Variants in ACSF3 observed in about 807,000 individuals in gnomAD.
ACSF3 encodes malonate--CoA ligase ACSF3, mitochondrial.
In ACSF3, 78 loss-of-function variants were observed where a neutral mutation model predicts 53.2. The ratio of observed to expected loss-of-function variants is 1.47; its 90% CI spans 1.22 to 1.77. The LOEUF (loss-of-function observed/expected upper bound fraction) is 1.77. Ranked by LOEUF, ACSF3 falls within the 40% of genes most tolerant of loss-of-function variation. ACSF3 has a pLI of 0.00. For synonymous variants in ACSF3, 414 were observed against 333.1 expected, an observed-to-expected ratio of 1.24 and a Z score of -2.65; for missense variants, 937 against 771.1, an observed-to-expected ratio of 1.22 and a Z score of -2.55.
chr16:89,119,187 TC>T, intron 6 of ACSF3, among the ~76,000 whole-genome samples: 1 of 152,230 alleles, frequency 6.6e-6, no homozygotes, highest in Admixed American at 6.5e-5. Context: ...CCAGACACCA[TC>T]CCAGAGCCTC....
At chr16:89,116,597 G>T (rs1905155237) in intron 6 of ACSF3, among the ~76,000 whole-genome samples, 1 of 152,236 alleles carries the variant, frequency 6.6e-6, no homozygotes, top group African/African-American at 2.4e-5. Flanking sequence ...GAGATCCTCA[G>T]CTGCCGTGCA....
At chr16:89,143,957 C>T (rs931536665) in intron 8 of ACSF3, among the ~76,000 whole-genome samples, 1 of 152,188 alleles carries the variant, frequency 6.6e-6, no homozygotes, top group African/African-American at 2.4e-5. Context: ...GCTAATAACC[C>T]ATGTGGAGTG....
chr16:89,117,299 A>G (rs1422591376), intron 6 of ACSF3, among the ~76,000 whole-genome samples: 1 of 152,220 alleles, frequency 6.6e-6, no homozygotes, highest in African/African-American at 2.4e-5. Flanking sequence ...ACTCACATAC[A>G]AGAACCCATG....
At chr16:89,117,453 A>T (rs568961213) in intron 6 of ACSF3, among the ~76,000 whole-genome samples, 1 of 152,160 alleles carries the variant, frequency 6.6e-6, no homozygotes, top group African/African-American at 2.4e-5. Flanking sequence ...AGCTGAAATC[A>T]GGAGCAGCCC....
At chr16:89,131,839 A>G (rs1909385890) in intron 7 of ACSF3, among the ~76,000 whole-genome samples, 1 of 152,284 alleles carries the variant, frequency 6.6e-6, no homozygotes, top group African/African-American at 2.4e-5. Flanking sequence ...CTTTGAAAAA[A>G]CAAACACAAG....
chr16:89,124,743 T>A (rs1907621946), intron 7 of ACSF3, among the ~76,000 whole-genome samples: 1 of 151,900 alleles, frequency 6.6e-6, no homozygotes, highest in Admixed American at 6.6e-5. Context: ...GTGTGTTACC[T>A]GTGTGCAACA....
At chr16:89,118,368 A>T (rs541870275) in intron 6 of ACSF3, among the ~76,000 whole-genome samples, 3 of 149,562 alleles carry the variant, frequency 2.0e-5, no homozygotes, top group African/African-American at 7.4e-5. Context: ...ATTAAATCCA[A>T]TATGCCCCAC....
At position 89,123,093 on chromosome 16, in the gene ACSF3, C is replaced by G. The variant is rs143619192; in HGVS notation, c.1239+2180C>G. 6.4e-3 allele frequency among the ~76,000 whole-genome samples: 975 copies of G among 152,276 alleles called. 12 individuals carry two copies. The highest frequency in any genetic ancestry group is 9.3e-3 in the Non-Finnish European group (631 of 68,000). ...GGTTTGCATCTGCTGACAGCAGGCC[C>G]GGGAACATTTCCAGTTCAGCCAAGG... On this transcript the variant is annotated intron_variant, in intron 7 of 10. Coordinates refer to ENST00000614302, the MANE Select transcript of ACSF3 (RefSeq NM_001243279.3).
intron 4 of ACSF3, among the ~76,000 whole-genome samples, chr16:89,109,823 G>A (rs1261040277): frequency 6.6e-6 from 1 of 152,214 alleles, no homozygotes; most frequent in Non-Finnish European, 1.5e-5. Context: ...CTGAGCTCAA[G>A]GGATCCTCCC....
chr16:89,100,787 C>A lies in ACSF3; in HGVS notation c.106C>A (p.Pro36Thr), dbSNP rs1432709471. The part of the protein sequence containing the change: ...HRGSGLLHTA[P>T]VARSDRSAPV... ...AGGAAGTGGTCTTCTGCACACAGCC[C>A]CAGTGGCCCGCTCGGACAGGAGCGC... Residue 36 changes from proline (P) to threonine (T), a missense_variant, in exon 3 of 11, where the codon CCA becomes ACA. By Grantham distance (38) the Pro-to-Thr change is conservative (BLOSUM62 -1). Coordinates refer to ENST00000614302, the MANE Select transcript of ACSF3 (RefSeq NM_001243279.3). 1.8e-5 allele frequency: 29 copies of A among 1,611,570 alleles called. No homozygotes were observed. Among genetic ancestry groups the A allele is most frequent in the Non-Finnish European group, 2.5e-5 (29 of 1,179,994 alleles).
chr16:89,150,269 G>A (rs1913846054), intron 10 of ACSF3: 1 of 152,364 alleles, frequency 6.6e-6, no homozygotes, highest in African/African-American at 2.4e-5. Context: ...AGAAACGCTT[G>A]CTTGATCAGG....
chr16:89,098,641 G>C lies in ACSF3; in HGVS notation c.-143G>C, dbSNP rs1020117919. 1.1e-5 allele frequency: 5 copies of C among 454,020 alleles called. No individual in the cohort carries two copies. Among genetic ancestry groups the C allele is most frequent in the African/African-American group, 1.0e-4 (5 of 50,016 alleles). 28.1% of individuals were successfully genotyped at this position (454,020 alleles called of 1,614,324 possible). On this transcript the variant is annotated 5_prime_UTR_variant, in exon 2 of 11. Transcript: ENST00000614302. ...AGCGCCAGGCCTGGTGCCTGCCCCA[G>C]GAGGATGAGCATTTGCATTGCCTGC...
chr16:89,099,653 G>A (rs920033376), intron 2 of ACSF3, among the ~76,000 whole-genome samples: 5 of 151,988 alleles, frequency 3.3e-5, no homozygotes, highest in Non-Finnish European at 5.9e-5. Flanking sequence ...ATGGTGGTGC[G>A]CACCTATAAT....
At position 89,120,898 on chromosome 16, in the gene ACSF3, C is replaced by T. The variant is rs1047268029; in HGVS notation, c.1224C>T (p.Asp408=). The change falls in exon 7 of 11, where the codon GAC becomes GAT. Residue 408 remains aspartate, a synonymous_variant. Coordinates refer to ENST00000614302, the MANE Select transcript of ACSF3 (RefSeq NM_001243279.3). The part of the protein sequence containing the change: ...ACSYTIHAEG[D]ERGTKVTPGF... ...CCTACACCATCCACGCAGAGGGAGA[C>T]GAGAGGGGGACCAAGGTAAGCCACT... 15 of 1,613,904 alleles carry T rather than the reference C, an allele frequency of 9.3e-6. No individual in the cohort carries two copies. The highest frequency in any genetic ancestry group is 1.2e-5 in the Non-Finnish European group (14 of 1,179,950).
chr16:89,106,324 G>T (rs760514105), intron 4 of ACSF3, among the ~76,000 whole-genome samples: 1 of 148,708 alleles, frequency 6.7e-6, no homozygotes. Context: ...ATGGAGTCTC[G>T]CACTGTTAGC....
At chr16:89,102,804 C>CTGGAGAGCTG in intron 4 of ACSF3, 45 bp downstream of exon 4, 1 of 1,522,726 alleles carries the variant, frequency 6.6e-7, no homozygotes, top group Non-Finnish European at 8.8e-7. Flanking sequence ...AGACTAGGCG[C>CTGGAGAGCTG]CTTTCCCCTG....
At chr16:89,101,901 G>A (rs768237332) in intron 3 of ACSF3, among the ~76,000 whole-genome samples, 3 of 152,234 alleles carry the variant, frequency 2.0e-5, no homozygotes, top group Non-Finnish European at 2.9e-5. Context: ...GGGCTGACGA[G>A]GCGCCATGAG....
intron 7 of ACSF3, among the ~76,000 whole-genome samples, chr16:89,128,247 A>T (rs934633155): frequency 5.3e-5 from 8 of 149,718 alleles, no homozygotes; most frequent in Non-Finnish European, 8.9e-5. Context: ...TAATATATAT[A>T]TATTTTTTTC....
chr16:89,145,106 G>A, intron 8 of ACSF3, 161 bp from the exon 9 acceptor site: 2 of 1,574,154 alleles, frequency 1.3e-6, no homozygotes, highest in South Asian at 2.3e-5. Flanking sequence ...ACCTGGCATA[G>A]CTGTTTCTCC....
Sources: allele counts gnomAD v4.1 joint callset (sites outside exome capture counted in the v4.1 genomes callset), GRCh38; gene constraint gnomAD v4.1.1; transcripts MANE v1.5; gene names NCBI Gene and HGNC (gene_info 2026-07-23, HGNC 2026-07-21).